Variants in DPYSL4 observed in about 807,000 individuals in gnomAD.
DPYSL4 encodes the protein dihydropyrimidinase-related protein 4.
A neutral mutation model predicts 63.4 loss-of-function variants in DPYSL4; 43 were observed. The observed-to-expected ratio is 0.68, with a 90% CI of 0.53 to 0.88. The LOEUF is 0.88. DPYSL4 is among the 40% of genes least tolerant of loss of function. The pLI is 0.00. For missense variants in DPYSL4, 733 were observed against 819.5 expected (o/e 0.89, Z 1.29); for synonymous variants, 353 against 331.7 (o/e 1.06, Z -0.70).
chr10:132,195,138 G>C (rs867719328), intron 4 of DPYSL4, 129 bp downstream of exon 4: 1 of 1,155,664 alleles, frequency 8.7e-7, no homozygotes. Flanking sequence ...GTGGAAGTTG[G>C]AGAAAAGTCA....
At chr10:132,198,770 C>G in intron 7 of DPYSL4, 81 bp from the exon 8 acceptor site, 1 of 1,564,500 alleles carries the variant, frequency 6.4e-7, no homozygotes, top group Non-Finnish European at 8.7e-7. Flanking sequence ...CCATGGGTGA[C>G]ACCTGGGCAT....
At chr10:132,192,573 C>T (rs1020760472) in intron 2 of DPYSL4, 85 bp from the exon 3 acceptor site, 7 of 1,500,340 alleles carry the variant, frequency 4.7e-6, no homozygotes, top group Admixed American at 2.3e-5. Flanking sequence ...CTCATGCAAA[C>T]CCTTTAGCTC....
chr10:132,193,996 C>G (rs539828578), intron 3 of DPYSL4, among the ~76,000 whole-genome samples: 182 of 152,380 alleles, frequency 1.2e-3, no homozygotes, highest in African/African-American at 4.2e-3. Flanking sequence ...GACGTCTGCA[C>G]AGTCGAGACC....
chr10:132,205,473 C>A lies in DPYSL4; in HGVS notation c.*543C>A, dbSNP rs1348153082. 1 of 152,896 alleles carries A rather than the reference C, an allele frequency of 6.5e-6. No individual in the cohort carries two copies. Among genetic ancestry groups the A allele is most frequent in the Non-Finnish European group, 1.5e-5 (1 of 68,362 alleles). The allele number at this position is 152,896 out of a possible 1,614,324, so 9.5% of individuals were successfully genotyped here. A position where few individuals can be genotyped will look rare whatever the true frequency, so the allele number is the denominator to read the frequency against. On this transcript the variant is annotated 3_prime_UTR_variant, in exon 14 of 14. Coordinates refer to ENST00000338492, the MANE Select transcript of DPYSL4 (RefSeq NM_006426.3). ...ACACAGCTGCTGAGACTTCAGGGAC[C>A]CATCAGAACTTGGTGCAGCACAGCC...
At chr10:132,187,584 C>T (rs903783288) in intron 1 of DPYSL4, among the ~76,000 whole-genome samples, 1 of 152,210 alleles carries the variant, frequency 6.6e-6, no homozygotes, top group Non-Finnish European at 1.5e-5. Context: ...GTGGGTCGCC[C>T]GCCCCTTGGA....
chr10:132,188,058 G>A (rs2061828558), intron 1 of DPYSL4, among the ~76,000 whole-genome samples: 1 of 152,146 alleles, frequency 6.6e-6, no homozygotes, highest in Non-Finnish European at 1.5e-5. Flanking sequence ...CTCTCCAGAT[G>A]GGAGGGGCTG....
intron 13 of DPYSL4, among the ~76,000 whole-genome samples, chr10:132,204,178 G>A (rs921882096): frequency 3.9e-5 from 6 of 152,246 alleles, no homozygotes. Flanking sequence ...TGGCACTGGG[G>A]TGAGGCTGTC....
At position 132,202,768 on chromosome 10, in the gene DPYSL4, C is replaced by G; in HGVS notation, c.1404C>G (p.Phe468Leu). 6.2e-7 allele frequency: 1 copy of G among 1,612,410 alleles called. No homozygotes were observed. Among genetic ancestry groups the G allele is most frequent in the East Asian group, 2.2e-5 (1 of 44,880 alleles). Residue 468 changes from phenylalanine to leucine, a missense_variant, in exon 12 of 14, where the codon TTC becomes TTG. By Grantham distance (22) the Phe-to-Leu change is conservative (BLOSUM62 0). Transcript: ENST00000338492. ...KMFVTPGAGRFVPRKTFPDFV... is the reference protein window; with the variant it reads ...KMFVTPGAGRLVPRKTFPDFV... ...TTGTCACCCCGGGGGCGGGCCGCTT[C>G]GTCCCTCGGAAAACATTCCCGGACT... is the stretch of plus-strand genomic sequence containing the variant.
chr10:132,192,533 C>T (rs1276834050), intron 2 of DPYSL4, 125 bp from the exon 3 acceptor site: 3 of 1,432,896 alleles, frequency 2.1e-6, no homozygotes, highest in Non-Finnish European at 2.7e-6. Context: ...GAGTGGCCGG[C>T]CGTGCTGGCC....
At chr10:132,188,874 T>C (rs1054306383) in intron 1 of DPYSL4, among the ~76,000 whole-genome samples, 13 of 152,216 alleles carry the variant, frequency 8.5e-5, no homozygotes, top group Non-Finnish European at 1.6e-4. Flanking sequence ...TAGGGCTGTA[T>C]GAAGAGAGGT....
chr10:132,194,978 G>A lies in DPYSL4; in HGVS notation c.447G>A (p.Lys149=), dbSNP rs1280850830. ...TCACCCGATGGCATGAGAGCATCAA[G>A]GAGGAGCTGGAGGCCCTGGTCAAGG... The part of the protein sequence containing the change: ...VDITRWHESI[K]EELEALVKEK... The change falls in exon 4 of 14, where the codon AAG becomes AAA. Residue 149 remains lysine, a synonymous_variant. Transcript: ENST00000338492. The A allele has an allele frequency of 1.2e-6, 2 of 1,607,820 alleles. No homozygotes were observed. Among genetic ancestry groups the A allele is most frequent in the South Asian group, 2.2e-5 (2 of 91,066 alleles).
At chr10:132,191,420 C>T (rs1156663929) in intron 2 of DPYSL4, among the ~76,000 whole-genome samples, 1 of 127,418 alleles carries the variant, frequency 7.8e-6, no homozygotes, top group African/African-American at 2.9e-5. Flanking sequence ...GTTCCCAGCT[C>T]GTGTGTACAC....
chr10:132,202,969 G>A (rs1293208448), intron 12 of DPYSL4, 144 bp downstream of exon 12: 1 of 977,244 alleles, frequency 1.0e-6, no homozygotes, highest in African/African-American at 1.7e-5. Flanking sequence ...CAGGGCCCTG[G>A]TGGGTCTAAG....
intron 1 of DPYSL4, 131 bp downstream of exon 1, chr10:132,187,233 C>A: frequency 3.4e-6 from 2 of 586,550 alleles, no homozygotes; most frequent in Non-Finnish European, 5.7e-6. Flanking sequence ...CCTGTCCTGG[C>A]GCCCGCCCTT....
intron 10 of DPYSL4, 124 bp from the exon 11 acceptor site, chr10:132,201,822 C>T: frequency 7.4e-6 from 8 of 1,081,734 alleles, no homozygotes; most frequent in Middle Eastern, 3.2e-4. Flanking sequence ...CAGCGTCTGT[C>T]CTCACGGGGG....
intron 2 of DPYSL4, chr10:132,192,133 G>A (rs1367328275): frequency 5.6e-6 from 1 of 179,464 alleles, no homozygotes; most frequent in East Asian, 1.9e-4. Flanking sequence ...GAAATCCATG[G>A]GAGAGGTTTC....
intron 8 of DPYSL4, 139 bp downstream of exon 8, chr10:132,199,110 C>T: frequency 5.4e-6 from 7 of 1,298,064 alleles, no homozygotes; most frequent in South Asian, 1.5e-5. Flanking sequence ...CGGGGTGGGG[C>T]ACTGGACCCT....
rs114312744 is a variant in DPYSL4, at chr10:132,200,470, C to T, written c.926C>T (p.Pro309Leu). The T allele has an allele frequency of 6.2e-7, 1 of 1,613,436 alleles. No individual in the cohort carries two copies. Among genetic ancestry groups the T allele is most frequent in the Admixed American group, 1.7e-5 (1 of 60,018 alleles). Residue 309 changes from proline (P) to leucine (L), a missense_variant, in exon 9 of 14, where the codon CCA becomes CTA. Transcript: ENST00000338492. ...TTCGTCACATCACCCCCTGTCAACC[C>T]AGACCCCACCACGGCGGACCACCTC... ...AAFVTSPPVN[P>L]DPTTADHLTC... is the part of the protein sequence containing the mutation.
At chr10:132,198,549 G>A (rs4880347) in intron 7 of DPYSL4, 66 bp downstream of exon 7, 421 of 1,477,146 alleles carry the variant, frequency 2.9e-4, no homozygotes, top group Non-Finnish European at 3.5e-4. Flanking sequence ...GCCTGGGGCT[G>A]TGCTGACCCT....
Sources: allele counts gnomAD v4.1 joint callset (sites outside exome capture counted in the v4.1 genomes callset), GRCh38; gene constraint gnomAD v4.1.1; transcripts MANE v1.5; gene names NCBI Gene and HGNC (gene_info 2026-07-23, HGNC 2026-07-21).